Variants in ALCAM observed in about 807,000 individuals in gnomAD.
The protein encoded by ALCAM is CD166 antigen.
Under a neutral mutation model 70.9 loss-of-function variants are expected in ALCAM, and 30 were observed. That is an observed-to-expected ratio of 0.42 (90% CI 0.32 to 0.57). The LOEUF (loss-of-function observed/expected upper bound fraction) is 0.57. Among genes scored for constraint, ALCAM ranks in the 20% least tolerant of loss-of-function variants. ALCAM has a pLI of 0.11. For missense variants in ALCAM, 591 were observed against 695.1 expected, an observed-to-expected ratio of 0.85 and a Z score of 1.68; for synonymous variants, 249 against 242.5, an observed-to-expected ratio of 1.03 and a Z score of -0.25.
intron 1 of ALCAM, among the ~76,000 whole-genome samples, chr3:105,479,025 T>C (rs1362174535): frequency 6.6e-6 from 1 of 152,156 alleles, no homozygotes; most frequent in Non-Finnish European, 1.5e-5. Flanking sequence ...AAGAATGTAT[T>C]GTGTCTAGTC....
At chr3:105,495,020 A>G (rs1938697201) in intron 1 of ALCAM, among the ~76,000 whole-genome samples, 1 of 151,686 alleles carries the variant, frequency 6.6e-6, no homozygotes, top group Non-Finnish European at 1.5e-5. Context: ...TCTTATCGCA[A>G]CTCCCAGACA....
chr3:105,507,573 C>A (rs140476334), intron 1 of ALCAM, among the ~76,000 whole-genome samples: 1 of 152,016 alleles, frequency 6.6e-6, no homozygotes, highest in Non-Finnish European at 1.5e-5. Context: ...CATTTCAGGT[C>A]CCTTCGTGTT....
Position 105,367,164 on chromosome 3 carries a change from C to T in ALCAM, c.-245C>T, listed in dbSNP as rs1019499343. On this transcript the variant is annotated 5_prime_UTR_variant, in exon 1 of 16. Transcript: ENST00000306107. ...CAGAGGGTCGTTGTCCCCGGAGGAG[C>T]AGCCGAAGGGCCCGTGGGCTGGTGT... 3 of 529,736 alleles carry T rather than the reference C, an allele frequency of 5.7e-6. No individual in the cohort carries two copies. The highest frequency in any genetic ancestry group is 6.8e-6 in the Non-Finnish European group (2 of 292,276). 32.8% of individuals were successfully genotyped at this position (529,736 alleles called of 1,614,324 possible). A position where few individuals can be genotyped will look rare whatever the true frequency, so the allele number is the denominator to read the frequency against.
At chr3:105,387,519 A>G (rs761632570) in intron 1 of ALCAM, among the ~76,000 whole-genome samples, 1 of 151,678 alleles carries the variant, frequency 6.6e-6, no homozygotes, top group Admixed American at 6.6e-5. Context: ...CAAACAATAC[A>G]ATAAGAAAGA....
chr3:105,544,050 C>A (rs954092373), intron 8 of ALCAM, among the ~76,000 whole-genome samples: 2 of 151,578 alleles, frequency 1.3e-5, no homozygotes, highest in Non-Finnish European at 3.0e-5. Flanking sequence ...TTGCAGTCAA[C>A]AAGTTGCAAT....
At chr3:105,479,787 A>G (rs889735643) in intron 1 of ALCAM, among the ~76,000 whole-genome samples, 3 of 152,110 alleles carry the variant, frequency 2.0e-5, no homozygotes, top group Non-Finnish European at 4.4e-5. Flanking sequence ...TTTGAATTAA[A>G]TAGCCATTCC....
At chr3:105,539,850 TA>T in intron 6 of ALCAM, 124 bp from the exon 7 acceptor site, 1 of 933,180 alleles carries the variant, frequency 1.1e-6, no homozygotes, top group Non-Finnish European at 1.5e-6. Flanking sequence ...TAAAAAGGTA[TA>T]TTTAAGCAAT....
At chr3:105,461,303 A>G (rs1228243089) in intron 1 of ALCAM, among the ~76,000 whole-genome samples, 1 of 151,848 alleles carries the variant, frequency 6.6e-6, no homozygotes, top group East Asian at 1.9e-4. Flanking sequence ...ATGTCACATG[A>G]ATATCTGCAA....
At chr3:105,444,576 C>T (rs1215599619) in intron 1 of ALCAM, among the ~76,000 whole-genome samples, 2 of 152,138 alleles carry the variant, frequency 1.3e-5, no homozygotes, top group African/African-American at 2.4e-5. Context: ...TATAAAATCA[C>T]TTTGAAAGGA....
intron 1 of ALCAM, among the ~76,000 whole-genome samples, chr3:105,434,026 A>G (rs1341486117): frequency 6.6e-6 from 1 of 152,196 alleles, no homozygotes; most frequent in Non-Finnish European, 1.5e-5. Flanking sequence ...TAAGGGGGAT[A>G]TAGGAAAGGG....
chr3:105,391,509 G>C (rs1935816943), intron 1 of ALCAM, among the ~76,000 whole-genome samples: 2 of 151,944 alleles, frequency 1.3e-5, no homozygotes, highest in South Asian at 4.1e-4. Context: ...GAGTTTTCTA[G>C]ATATAGGATC....
At chr3:105,460,522 C>T (rs1023138860) in intron 1 of ALCAM, among the ~76,000 whole-genome samples, 6 of 151,952 alleles carry the variant, frequency 3.9e-5, no homozygotes, top group Non-Finnish European at 7.4e-5. Context: ...TAAATTGACT[C>T]TGGTGTTTGG....
At position 105,514,668 on chromosome 3, in the gene ALCAM, C is replaced by G. The variant is rs550220283; in HGVS notation, c.74-5399C>G. ...CTATCTTAAAACATAATCCTGGGTA[C>G]TACTAGTAGTTTATAATTTAGTAAC... On this transcript the variant is annotated intron_variant, in intron 1 of 15. Coordinates refer to ENST00000306107, the MANE Select transcript of ALCAM (RefSeq NM_001627.4). 1.1e-3 allele frequency among the ~76,000 whole-genome samples: 170 copies of G among 151,840 alleles called. 3 individuals carry two copies. Among genetic ancestry groups the G allele is most frequent in the African/African-American group, 4.0e-3 (165 of 41,472 alleles).
rs561840402 is a variant in ALCAM, at chr3:105,396,581, T to A, written c.73+29100T>A. ...TACAAATTGAGTTTTTAAGTAGAAT[T>A]AATTTCTAGTAGATTTAATGAAGTT... On this transcript the variant is annotated intron_variant, in intron 1 of 15. Transcript: ENST00000306107. Among the ~76,000 whole-genome samples, 7 of 152,148 alleles carry A rather than the reference T, an allele frequency of 4.6e-5. No individual in the cohort carries two copies. The South Asian group carries it at 1.4e-3, about 31-fold the overall frequency.
At chr3:105,441,160 C>T (rs900794625) in intron 1 of ALCAM, among the ~76,000 whole-genome samples, 4 of 151,910 alleles carry the variant, frequency 2.6e-5, no homozygotes, top group Non-Finnish European at 4.4e-5. Context: ...CACTTCGTGA[C>T]CAAACAAGAA....
chr3:105,432,953 T>C lies in ALCAM; in HGVS notation c.73+65472T>C, dbSNP rs114670758. On this transcript the variant is annotated intron_variant, in intron 1 of 15. Transcript: ENST00000306107. ...GCTTCATATAACCAATTTTCCAAACTAATATCAACACTAAAAAGATTTTCA... is the reference window on the plus strand; with the variant it reads ...GCTTCATATAACCAATTTTCCAAACCAATATCAACACTAAAAAGATTTTCA... Among the ~76,000 whole-genome samples, 862 of 152,286 alleles carry C rather than the reference T, an allele frequency of 5.7e-3. 7 individuals are homozygous for C. The highest frequency in any genetic ancestry group is 0.02 in the African/African-American group (832 of 41,576).
intron 1 of ALCAM, among the ~76,000 whole-genome samples, chr3:105,436,854 A>T (rs1023008587): frequency 6.6e-6 from 1 of 152,204 alleles, no homozygotes; most frequent in African/African-American, 2.4e-5. Flanking sequence ...ATGCAATGAC[A>T]GTCAGGGTGC....
chr3:105,530,968 T>C (rs1341779170), intron 3 of ALCAM, among the ~76,000 whole-genome samples: 4 of 152,164 alleles, frequency 2.6e-5, no homozygotes, highest in African/African-American at 9.6e-5. Flanking sequence ...TTTAGTTTGG[T>C]AATCAAAATT....
In ALCAM at chr3:105,453,631, G is replaced by A. The variant is rs191674265; in HGVS notation, c.74-66436G>A. Among the ~76,000 whole-genome samples the A allele has an allele frequency of 1.7e-4, 26 of 152,240 alleles. No homozygotes were observed. In the East Asian group the frequency reaches 4.4e-3, roughly 26 times the overall value. On this transcript the variant is annotated intron_variant, in intron 1 of 15. Coordinates refer to ENST00000306107, the MANE Select transcript of ALCAM (RefSeq NM_001627.4). The stretch of plus-strand genomic sequence containing the variant: ...GAAGAATGTCAATGGTAGTTTGATG[G>A]GAATAGCACTGAATCTATAAATTAC...
Sources: gnomAD v4.1 joint callset for allele counts (sites outside exome capture counted in the v4.1 genomes callset) on GRCh38, gnomAD v4.1.1 for gene constraint, MANE v1.5 for transcripts, NCBI Gene and HGNC (gene_info 2026-07-23, HGNC 2026-07-21) for gene names.